The following NUP133 variants were observed in gnomAD, a reference collection of about 807,000 sequenced individuals.
The protein encoded by NUP133 is nucleoporin 133.
NUP133 carries 66 observed loss-of-function variants against 146.2 expected under a neutral mutation model. That is an observed-to-expected ratio of 0.45 (90% CI 0.37 to 0.55). The LOEUF (loss-of-function observed/expected upper bound fraction) is 0.55, where lower values mean the gene tolerates loss of function less well. Ranked by LOEUF, NUP133 falls within the 20% of genes least tolerant of loss-of-function variation. NUP133 has a pLI of 0.00. For missense variants in NUP133, 1,277 were observed against 1,374.8 expected (o/e 0.93, Z 1.12); for synonymous variants, 521 against 498.8 (o/e 1.04, Z -0.59).
In NUP133 at chr1:229,458,283, A is replaced by T. The variant is rs1318731554; in HGVS notation, c.2858T>A (p.Leu953His). ...SQELEKAHATLLGLANMETRY... is the reference protein window; with the variant it reads ...SQELEKAHATHLGLANMETRY... ...AGTTTCCATATTTGCCAAACCCAGA[A>T]GTGTTGCATGAGCCTACAATAAAAT... The change falls in exon 21 of 26, where the codon CTT becomes CAT. Residue 953 changes from leucine to histidine, a missense_variant. Coordinates refer to ENST00000261396, the MANE Select transcript of NUP133 (RefSeq NM_018230.3). 6.2e-7 allele frequency: 1 copy of T among 1,613,118 alleles called. No individual in the cohort carries two copies. The highest frequency in any genetic ancestry group is 1.7e-5 in the Admixed American group (1 of 59,894).
chr1:229,458,440 C>G (rs1455661809), intron 20 of NUP133, 144 bp from the exon 21 acceptor site: 1 of 603,904 alleles, frequency 1.7e-6, no homozygotes, highest in African/African-American at 1.9e-5. Flanking sequence ...AAAAACTGAG[C>G]AGTACGTAAC....
At chr1:229,449,246 T>G in intron 23 of NUP133, 56 bp from the exon 24 acceptor site, 1 of 1,128,634 alleles carries the variant, frequency 8.9e-7, no homozygotes, top group East Asian at 2.4e-5. Context: ...AAGAAATACA[T>G]GCCTAAATTT....
chr1:229,485,660 A>G (rs1301435810), intron 11 of NUP133, among the ~76,000 whole-genome samples: 1 of 152,220 alleles, frequency 6.6e-6, no homozygotes, highest in African/African-American at 2.4e-5. Context: ...GTAGAAAATC[A>G]ACAGATGCAT....
At chr1:229,498,410 T>C in intron 5 of NUP133, 104 bp from the exon 6 acceptor site, 1 of 743,330 alleles carries the variant, frequency 1.3e-6, no homozygotes, top group Non-Finnish European at 2.1e-6. Flanking sequence ...GAAATAAATC[T>C]AAAAGAATAC....
Position 229,499,765 on chromosome 1 carries a change from G to C in NUP133, c.567C>G (p.Ser189Arg), listed in dbSNP as rs138400798. Residue 189 changes from serine to arginine, a missense_variant, in exon 5 of 26, where the codon AGC becomes AGG. Ser to Arg is a moderately radical substitution (Grantham distance 110). Coordinates refer to ENST00000261396, the MANE Select transcript of NUP133 (RefSeq NM_018230.3). Reference sequence around the variant, plus strand: ...CTGTGTAGGTATCTTCACCAGCAAGGCTTGGCCAATAGCGGATAGATCCTT... The same window carrying C: ...CTGTGTAGGTATCTTCACCAGCAAGCCTTGGCCAATAGCGGATAGATCCTT... ...TREGSIRYWP[S>R]LAGEDTYTEA... 147 of 1,614,044 alleles carry C rather than the reference G, an allele frequency of 9.1e-5. No individual in the cohort carries two copies. Among genetic ancestry groups the C allele is most frequent in the Middle Eastern group, 1.6e-4 (1 of 6,062 alleles).
In NUP133 at chr1:229,487,614, C is replaced by A. The variant is rs1214420277; in HGVS notation, c.1195-1G>T. On this transcript the variant is annotated splice_acceptor_variant, in intron 9 of 25. Transcript: ENST00000261396. LOFTEE classifies it high-confidence loss of function. ...ACTGACACAAAATCAGGTCTTCAGACTGAAAGTTAAATTTAAGATTACATT... is the reference window on the plus strand; with the variant it reads ...ACTGACACAAAATCAGGTCTTCAGAATGAAAGTTAAATTTAAGATTACATT... 6.3e-6 allele frequency: 10 copies of A among 1,587,480 alleles called. No homozygotes were observed. Among genetic ancestry groups the A allele is most frequent in the Non-Finnish European group, 8.5e-6 (10 of 1,172,034 alleles).
intron 13 of NUP133, among the ~76,000 whole-genome samples, chr1:229,476,924 T>C (rs1181934001): frequency 1.5e-5 from 2 of 132,986 alleles, no homozygotes; most frequent in African/African-American, 7.3e-5. Context: ...GGAGACCCTG[T>C]TTCCAAAAAA....
chr1:229,452,286 C>G (rs1264851383), intron 22 of NUP133, among the ~76,000 whole-genome samples: 1 of 152,172 alleles, frequency 6.6e-6, no homozygotes, highest in Non-Finnish European at 1.5e-5. Context: ...GTAATTTCTC[C>G]TGGTCACCTA....
chr1:229,477,880 G>C, intron 12 of NUP133, 120 bp from the exon 13 acceptor site: 3 of 683,446 alleles, frequency 4.4e-6, no homozygotes, highest in Non-Finnish European at 4.9e-6. Context: ...CCTGTCATTC[G>C]CAACAGTAGG....
At chr1:229,507,139 T>A (rs1661966612) in intron 1 of NUP133, among the ~76,000 whole-genome samples, 1 of 152,204 alleles carries the variant, frequency 6.6e-6, no homozygotes, top group Non-Finnish European at 1.5e-5. Flanking sequence ...AAATAAAGTA[T>A]GCTTTTATTC....
At position 229,477,692 on chromosome 1, in the gene NUP133, T is replaced by C. The variant is rs1283058520; in HGVS notation, c.1661A>G (p.Asp554Gly). 1 of 1,613,740 alleles carries C rather than the reference T, an allele frequency of 6.2e-7. No homozygotes were observed. The highest frequency in any genetic ancestry group is 8.5e-7 in the Non-Finnish European group (1 of 1,179,924). ...GGTAACTGCCCTGTCTAGTTCAGAATCAGAATCCAAATCAGAGTGAGAGGA... is the reference window on the plus strand; with the variant it reads ...GGTAACTGCCCTGTCTAGTTCAGAACCAGAATCCAAATCAGAGTGAGAGGA... ...LFSSHSDLDS[D>G]SELDRAVTQI... The change falls in exon 13 of 26, where the codon GAT becomes GGT. Residue 554 changes from aspartate to glycine, a missense_variant. By Grantham distance (94) the Asp-to-Gly change is moderately conservative. Around this residue, in one of 3 missense-constraint regions of NUP133, gnomAD observed 952 missense variants for 1,047.0 expected, o/e 0.91. Coordinates refer to ENST00000261396, the MANE Select transcript of NUP133 (RefSeq NM_018230.3).
At chr1:229,446,789 T>C (rs1284825533) in intron 24 of NUP133, among the ~76,000 whole-genome samples, 2 of 151,762 alleles carry the variant, frequency 1.3e-5, no homozygotes, top group Non-Finnish European at 2.9e-5. Flanking sequence ...AACAAAATCA[T>C]AGCTTCGAGT....
intron 8 of NUP133, among the ~76,000 whole-genome samples, chr1:229,494,501 T>C (rs939939848): frequency 6.6e-6 from 1 of 152,250 alleles, no homozygotes; most frequent in African/African-American, 2.4e-5. Flanking sequence ...CTTTAACTTC[T>C]GAGAAGTTGT....
chr1:229,495,692 A>C, intron 7 of NUP133, 127 bp from the exon 8 acceptor site: 1 of 883,820 alleles, frequency 1.1e-6, no homozygotes. Context: ...ATACATTAAA[A>C]AAAAAATCGC....
intron 25 of NUP133, 116 bp from the exon 26 acceptor site, chr1:229,442,156 G>A (rs1269722363): frequency 6.1e-6 from 6 of 981,990 alleles, no homozygotes; most frequent in Non-Finnish European, 7.5e-6. Flanking sequence ...TCACTTTGCT[G>A]TTGGGAAATA....
chr1:229,462,655 T>C (rs760564453), intron 19 of NUP133, among the ~76,000 whole-genome samples: 6 of 152,088 alleles, frequency 3.9e-5, no homozygotes, highest in Admixed American at 1.3e-4. Context: ...CCTCCTGGGC[T>C]CAAACGATCC....
intron 24 of NUP133, chr1:229,448,775 C>T (rs1341507372): frequency 1.1e-5 from 3 of 279,918 alleles, no homozygotes; most frequent in African/African-American, 6.9e-5. Flanking sequence ...TTCCTGAGTT[C>T]TATGAGCTGC....
In NUP133 at chr1:229,458,315, A is replaced by G; in HGVS notation, c.2845-19T>C. ...CATGAGCCTACAATAAAATATGCAA[A>G]CCATCGTAAGATACTGAGTACCAAT... On this transcript the variant is annotated intron_variant, in intron 20 of 25. Coordinates refer to ENST00000261396, the MANE Select transcript of NUP133 (RefSeq NM_018230.3). 6.2e-7 allele frequency: 1 copy of G among 1,608,316 alleles called. No homozygotes were observed. Among genetic ancestry groups the G allele is most frequent in the Non-Finnish European group, 8.5e-7 (1 of 1,176,960 alleles).
chr1:229,478,642 C>A (rs945247993), intron 12 of NUP133, among the ~76,000 whole-genome samples: 1 of 152,118 alleles, frequency 6.6e-6, no homozygotes, highest in Non-Finnish European at 1.5e-5. Context: ...ACTCTTCTAA[C>A]TTAGAGAGAT....
Sources: gnomAD v4.1 joint callset for allele counts (sites outside exome capture counted in the v4.1 genomes callset) on GRCh38, gnomAD v4.1.1 for gene constraint, gnomAD v4.1.1 regional missense constraint, MANE v1.5 for transcripts, NCBI Gene and HGNC (gene_info 2026-07-23, HGNC 2026-07-21) for gene names.